Variants in RPS6KA2 observed in about 807,000 individuals in gnomAD.
The protein encoded by RPS6KA2 is ribosomal protein S6 kinase A2.
RPS6KA2 carries 42 observed loss-of-function variants against 91.8 expected under a neutral mutation model. The observed-to-expected ratio is 0.46, with a 90% CI of 0.36 to 0.59. The LOEUF (loss-of-function observed/expected upper bound fraction) is 0.59. Ranked by LOEUF, RPS6KA2 falls within the 20% of genes least tolerant of loss-of-function variation. RPS6KA2 has a pLI of 0.00. For synonymous variants in RPS6KA2, 414 were observed against 393.6 expected, an observed-to-expected ratio of 1.05 and a Z score of -0.61; for missense variants, 798 against 978.5, an observed-to-expected ratio of 0.82 and a Z score of 2.46.
chr6:166,550,785 A>T (rs9459690), intron 1 of RPS6KA2, among the ~76,000 whole-genome samples: 1 of 151,624 alleles, frequency 6.6e-6, no homozygotes, highest in Non-Finnish European at 1.5e-5. Context: ...GTCAGATCAC[A>T]AGGTCAGGAG....
Position 166,831,291 on chromosome 6 carries a change from A to G in RPS6KA2, c.123+26909T>C, listed in dbSNP as rs1780176460. Among the ~76,000 whole-genome samples the G allele has an allele frequency of 3.9e-5, 6 of 152,280 alleles. No individual in the cohort carries two copies. In the South Asian group the frequency reaches 1.2e-3, roughly 32 times the overall value. On this transcript the variant is annotated intron_variant, in intron 2 of 21. Coordinates refer to the RPS6KA2 transcript ENST00000503859. ...CGCATCCAGGACCGGAGGCCTCACC[A>G]GGGATCCCTTCTCAGATCCTTACCC...
intron 2 of RPS6KA2, among the ~76,000 whole-genome samples, chr6:166,681,658 G>A (rs1788811392): frequency 6.8e-6 from 1 of 148,008 alleles, no homozygotes. Context: ...CAGCTCACAG[G>A]ACCAGGCCTC....
Position 166,459,633 on chromosome 6 carries a change from G to T in RPS6KA2, c.973-82C>A. The stretch of plus-strand genomic sequence containing the variant: ...AACACTGGGGACAGAGAAACCTGCT[G>T]TGGGGAGGGAAGGATGTTCTTATCA... On this transcript the variant is annotated intron_variant, in intron 11 of 20. Coordinates refer to ENST00000265678, the MANE Select transcript of RPS6KA2 (RefSeq NM_021135.6). This position sits in a 1 kb window ranked among gnomAD's most constrained non-coding sequence, Gnocchi z 4.9. 1 of 937,808 alleles carries T rather than the reference G, an allele frequency of 1.1e-6. No individual in the cohort carries two copies. The allele number at this position is 937,808 out of a possible 1,614,324, so 58.1% of individuals were successfully genotyped here.
In RPS6KA2 at chr6:166,433,161, A is replaced by G; in HGVS notation, c.1333-671T>C. Among the ~76,000 whole-genome samples, 1 of 152,090 alleles carries G rather than the reference A, an allele frequency of 6.6e-6. No homozygotes were observed. On this transcript the variant is annotated intron_variant, in intron 14 of 20. Coordinates refer to ENST00000265678, the MANE Select transcript of RPS6KA2 (RefSeq NM_021135.6). The surrounding 1 kb of genome is among the most constrained non-coding windows in gnomAD (Gnocchi z 4.4). Reference sequence around the variant, plus strand: ...CACAACAAGCCTCCAGCCACTGTGCACCTTCTGCCTTGTTCCGGGAATTAC... The same window carrying G: ...CACAACAAGCCTCCAGCCACTGTGCGCCTTCTGCCTTGTTCCGGGAATTAC...
At chr6:166,632,548 T>C (rs2128546275) in intron 2 of RPS6KA2, among the ~76,000 whole-genome samples, 1 of 149,050 alleles carries the variant, frequency 6.7e-6, no homozygotes, top group East Asian at 2.0e-4. Flanking sequence ...GGAGGCAGAG[T>C]TGCAGTGAGT....
intron 2 of RPS6KA2, among the ~76,000 whole-genome samples, chr6:166,531,718 G>C (rs922030645): frequency 1.7e-4 from 25 of 148,228 alleles, no homozygotes; most frequent in African/African-American, 6.6e-4. Flanking sequence ...ACACAAAACA[G>C]GCTCTATCCG....
chr6:166,772,555 A>G (rs1778502097), intron 2 of RPS6KA2, among the ~76,000 whole-genome samples: 2 of 152,238 alleles, frequency 1.3e-5, no homozygotes, highest in African/African-American at 4.8e-5. Context: ...AAAGATGGTG[A>G]GACCCGGTGG....
intron 1 of RPS6KA2, among the ~76,000 whole-genome samples, chr6:166,561,746 G>A (rs571768807): frequency 6.6e-6 from 1 of 152,102 alleles, no homozygotes; most frequent in East Asian, 1.9e-4. Flanking sequence ...GGCTTTCCTG[G>A]GCCACACTGG....
chr6:166,521,344 G>A (rs932118572), intron 3 of RPS6KA2, among the ~76,000 whole-genome samples: 2 of 152,200 alleles, frequency 1.3e-5, no homozygotes, highest in African/African-American at 2.4e-5. Context: ...GCAAAGCTCC[G>A]GGGCAGAACC....
At chr6:166,541,537 A>G (rs1427077524) in intron 1 of RPS6KA2, among the ~76,000 whole-genome samples, 1 of 152,138 alleles carries the variant, frequency 6.6e-6, no homozygotes, top group Non-Finnish European at 1.5e-5. Flanking sequence ...GGCTACTTGG[A>G]TGCCACCTGG....
intron 2 of RPS6KA2, among the ~76,000 whole-genome samples, chr6:166,656,988 C>T (rs550009996): frequency 1.3e-5 from 2 of 152,294 alleles, no homozygotes; most frequent in Non-Finnish European, 2.9e-5. Context: ...GAATCTGAGT[C>T]TCTGACTCCC....
At chr6:166,479,898 C>A (rs1562523389) in intron 10 of RPS6KA2, among the ~76,000 whole-genome samples, 4 of 152,148 alleles carry the variant, frequency 2.6e-5, no homozygotes, top group African/African-American at 2.4e-5. Context: ...CTTAACACTT[C>A]TTTTTTTAAC....
intron 10 of RPS6KA2, among the ~76,000 whole-genome samples, chr6:166,484,049 C>T (rs1430616386): frequency 6.6e-6 from 1 of 152,218 alleles, no homozygotes; most frequent in Non-Finnish European, 1.5e-5. Flanking sequence ...GCAGGCACTG[C>T]GGGGGCCAAG....
chr6:166,778,275 G>A (rs1308608163), intron 2 of RPS6KA2, among the ~76,000 whole-genome samples: 1 of 152,226 alleles, frequency 6.6e-6, no homozygotes, highest in Non-Finnish European at 1.5e-5. Flanking sequence ...GATGGCCTCT[G>A]CAACGACTGG....
chr6:166,752,728 A>G (rs1270048691), intron 2 of RPS6KA2, among the ~76,000 whole-genome samples: 1 of 152,172 alleles, frequency 6.6e-6, no homozygotes, highest in Non-Finnish European at 1.5e-5. Flanking sequence ...TGGTTCTCCC[A>G]CCTGCGGTCC....
At chr6:166,817,708 T>C (rs1215686657) in intron 2 of RPS6KA2, among the ~76,000 whole-genome samples, 1 of 92,240 alleles carries the variant, frequency 1.1e-5, no homozygotes, top group East Asian at 2.6e-4. Flanking sequence ...GGCCAAACCA[T>C]CTTTTTTCTT....
intron 2 of RPS6KA2, among the ~76,000 whole-genome samples, chr6:166,717,994 G>A (rs1474024061): frequency 3.3e-5 from 5 of 151,948 alleles, no homozygotes; most frequent in African/African-American, 1.2e-4. Flanking sequence ...GATTACAGGT[G>A]CCCGCTACCA....
At position 166,451,213 on chromosome 6, in the gene RPS6KA2, T is replaced by G. The variant is rs1334511707; in HGVS notation, c.1096A>C (p.Ser366Arg). 6.2e-7 allele frequency: 1 copy of G among 1,613,910 alleles called. No individual in the cohort carries two copies. Among genetic ancestry groups the G allele is most frequent in the East Asian group, 2.2e-5 (1 of 44,856 alleles). The change falls in exon 13 of 21, where the codon AGT becomes CGT. Residue 366 changes from serine (S) to arginine (R), a missense_variant. Physicochemically the swap from Ser to Arg is moderately radical, Grantham distance 110. Coordinates refer to ENST00000265678, the MANE Select transcript of RPS6KA2 (RefSeq NM_021135.6). Reference sequence around the variant, plus strand: ...CTAAACAGGTGATGAGCGTTTGCACTCGGGGGGACGCCAGGAGAGTCTGTA... The same window carrying G: ...CTAAACAGGTGATGAGCGTTTGCACGCGGGGGGACGCCAGGAGAGTCTGTA... ...TPTDSPGVPPSANAHHLFRGF... is the reference protein window; with the variant it reads ...TPTDSPGVPPRANAHHLFRGF...
At chr6:166,664,367 G>T (rs1455531050) in intron 2 of RPS6KA2, among the ~76,000 whole-genome samples, 7 of 152,216 alleles carry the variant, frequency 4.6e-5, no homozygotes, top group African/African-American at 7.2e-5. Flanking sequence ...GATAACTGTT[G>T]GTCATGGTCA....
Sources: gnomAD v4.1 joint callset for allele counts (sites outside exome capture counted in the v4.1 genomes callset) on GRCh38, gnomAD v4.1.1 for gene constraint, Gnocchi (gnomAD v3.1) non-coding constraint, MANE v1.5 for transcripts, NCBI Gene and HGNC (gene_info 2026-07-23, HGNC 2026-07-21) for gene names.